The following ADAM7 variants were observed in gnomAD, a reference collection of about 807,000 sequenced individuals.
ADAM7 encodes the protein disintegrin and metalloproteinase domain-containing protein 7.
A neutral mutation model predicts 102.9 loss-of-function variants in ADAM7; 97 were observed. That is an observed-to-expected ratio of 0.94 (90% confidence interval 0.80 to 1.12). ADAM7 has a LOEUF of 1.12. Among genes scored for constraint, ADAM7 ranks in the 50% most tolerant of loss-of-function variants. ADAM7 has a pLI of 0.00. For missense variants in ADAM7, 991 were observed against 908.7 expected, an observed-to-expected ratio of 1.09 and a Z score of -1.16; for synonymous variants, 334 against 304.4, an observed-to-expected ratio of 1.10 and a Z score of -1.01.
chr8:24,486,894 T>C (rs1463148725), intron 10 of ADAM7, among the ~76,000 whole-genome samples: 1 of 152,188 alleles, frequency 6.6e-6, no homozygotes, highest in Non-Finnish European at 1.5e-5. Flanking sequence ...TCATAGTTTT[T>C]AACTATTTAT....
chr8:24,500,652 A>T (rs1407686933), intron 18 of ADAM7, 138 bp from the exon 19 acceptor site: 2 of 669,714 alleles, frequency 3.0e-6, no homozygotes, highest in African/African-American at 3.7e-5. Context: ...TACTTTACAT[A>T]AAAATAATTG....
chr8:24,479,914 G>C (rs1819892879), intron 8 of ADAM7, among the ~76,000 whole-genome samples: 1 of 152,146 alleles, frequency 6.6e-6, no homozygotes, highest in African/African-American at 2.4e-5. Context: ...TGATTTTCTA[G>C]ATTCTCTGGC....
intron 3 of ADAM7, among the ~76,000 whole-genome samples, chr8:24,449,717 C>A (rs1281387885): frequency 6.6e-6 from 1 of 152,056 alleles, no homozygotes; most frequent in Non-Finnish European, 1.5e-5. Flanking sequence ...GACATGAAGT[C>A]CTTGCCCATG....
chr8:24,476,005 C>G, intron 7 of ADAM7: 1 of 455,032 alleles, frequency 2.2e-6, no homozygotes, highest in South Asian at 1.6e-5. Context: ...ATTACATATT[C>G]CTTATTTTGT....
At chr8:24,504,958 TAAC>T (rs1248896924) in intron 20 of ADAM7, among the ~76,000 whole-genome samples, 1 of 152,076 alleles carries the variant, frequency 6.6e-6, no homozygotes, top group African/African-American at 2.4e-5. Context: ...ATGGACAAAA[TAAC>T]AACGTGTGAT....
chr8:24,487,306 C>T lies in ADAM7; in HGVS notation c.1080C>T (p.Asp360=). 2 of 1,613,532 alleles carry T rather than the reference C, an allele frequency of 1.2e-6. No individual in the cohort carries two copies. The highest frequency in any genetic ancestry group is 1.7e-6 in the Non-Finnish European group (2 of 1,179,688). ...CTCPSGKCVM[D]SDGSIPALKF... is the part of the protein sequence containing the mutation. The stretch of plus-strand genomic sequence containing the variant: ...GTCCTTCAGGAAAATGCGTGATGGA[C>T]AGTGATGGAAGGTGAGATTCGAACA... Residue 360 remains aspartate (D), a synonymous_variant, in exon 11 of 22, where the codon GAC becomes GAT. Transcript: ENST00000175238.
chr8:24,506,300 ACT>A (rs1469658431), intron 20 of ADAM7: 2 of 676,856 alleles, frequency 3.0e-6, no homozygotes, highest in African/African-American at 1.8e-5. Context: ...GAAATGGGAC[ACT>A]CTGACACTCT....
intron 2 of ADAM7, among the ~76,000 whole-genome samples, chr8:24,445,707 T>TG (rs1818532625): frequency 1.3e-5 from 2 of 152,246 alleles, no homozygotes; most frequent in Non-Finnish European, 2.9e-5. Flanking sequence ...TCTGCCTAGA[T>TG]ATTTTGCTTC....
At chr8:24,442,377 G>C in intron 1 of ADAM7, 96 bp from the exon 2 acceptor site, 1 of 839,704 alleles carries the variant, frequency 1.2e-6, no homozygotes, top group Admixed American at 1.7e-5. Context: ...CTGCTAACTG[G>C]GGGCAAATGA....
rs538882688 is a variant in ADAM7 at position 24,456,966 on chromosome 8, C to A, written c.234-6916C>A. On this transcript the variant is annotated intron_variant, in intron 3 of 21. Coordinates refer to ENST00000175238, the MANE Select transcript of ADAM7 (RefSeq NM_003817.4). ...TGTTTTCATTTCTCTTTGGTAAACA[C>A]CAAGGAGTGATATTCCTGAGTCACA... Among the ~76,000 whole-genome samples, 5 of 152,092 alleles carry A rather than the reference C, an allele frequency of 3.3e-5. 1 individual carries two copies. The highest frequency in any genetic ancestry group is 9.6e-5 in the African/African-American group (4 of 41,488).
chr8:24,473,081 T>C (rs1376659803), intron 7 of ADAM7, among the ~76,000 whole-genome samples: 2 of 151,962 alleles, frequency 1.3e-5, no homozygotes, highest in Non-Finnish European at 1.5e-5. Flanking sequence ...TATCAGCAAA[T>C]AAAGACACCA....
intron 2 of ADAM7, among the ~76,000 whole-genome samples, chr8:24,446,792 A>C (rs1164799391): frequency 6.6e-6 from 1 of 151,160 alleles, no homozygotes; most frequent in African/African-American, 2.4e-5. Flanking sequence ...TGAGGAGAGA[A>C]TCTGCATTTT....
intron 7 of ADAM7, among the ~76,000 whole-genome samples, chr8:24,473,999 T>C (rs1819690392): frequency 6.6e-6 from 1 of 152,130 alleles, no homozygotes; most frequent in African/African-American, 2.4e-5. Flanking sequence ...CAAACTCCTA[T>C]TCAGTATAAA....
chr8:24,499,019 C>G (rs556521536), intron 16 of ADAM7, among the ~76,000 whole-genome samples: 108 of 151,998 alleles, frequency 7.1e-4, no homozygotes, highest in African/African-American at 2.3e-3. Context: ...AGTACACACC[C>G]CAATCATCTA....
At chr8:24,501,682 C>A in intron 20 of ADAM7, 106 bp downstream of exon 20, 1 of 733,428 alleles carries the variant, frequency 1.4e-6, no homozygotes, top group Non-Finnish European at 2.1e-6. Context: ...ATGGGAAGTG[C>A]AGAGGAGCAA....
At chr8:24,464,886 A>C (rs1230297160) in intron 4 of ADAM7, among the ~76,000 whole-genome samples, 1 of 130,022 alleles carries the variant, frequency 7.7e-6, no homozygotes, top group African/African-American at 2.8e-5. Flanking sequence ...TCCCAGGTTC[A>C]AGCGATTCTC....
chr8:24,471,683 A>G (rs1387233399), intron 7 of ADAM7, among the ~76,000 whole-genome samples: 1 of 152,114 alleles, frequency 6.6e-6, no homozygotes, highest in Non-Finnish European at 1.5e-5. Flanking sequence ...TTGCACAAAG[A>G]AGAAATCACC....
chr8:24,503,616 G>T (rs541752983), intron 20 of ADAM7, among the ~76,000 whole-genome samples: 1 of 152,122 alleles, frequency 6.6e-6, no homozygotes, highest in East Asian at 1.9e-4. Flanking sequence ...GCAAAGACTT[G>T]GAACCACCCC....
rs1352115603 is a variant in ADAM7 at position 24,499,672 on chromosome 8, A to G, written c.1923+356A>G. The stretch of plus-strand genomic sequence containing the variant: ...ACACCAATGTCAAGTTAAGCTTTTG[A>G]GAAAATCAGCAAACATTGTATATTT... On this transcript the variant is annotated intron_variant, in intron 17 of 21. Transcript: ENST00000175238. Among the ~76,000 whole-genome samples, 5 of 152,142 alleles carry G rather than the reference A, an allele frequency of 3.3e-5. No homozygotes were observed. The South Asian group carries it at 8.3e-4, about 25-fold the overall frequency.
Sources: allele counts gnomAD v4.1 joint callset (sites outside exome capture counted in the v4.1 genomes callset), GRCh38; gene constraint gnomAD v4.1.1; transcripts MANE v1.5; gene names NCBI Gene and HGNC (gene_info 2026-07-23, HGNC 2026-07-21).